Variants in FA2H observed in about 807,000 individuals in gnomAD.
FA2H encodes fatty acid 2-hydroxylase, also known as fatty acid alpha-hydroxylase.
A neutral mutation model predicts 44.9 loss-of-function variants in FA2H; 22 were observed. The ratio of observed to expected loss-of-function variants is 0.49; its 90% CI spans 0.35 to 0.70. The LOEUF is 0.70. Among genes scored for constraint, FA2H ranks in the 30% least tolerant of loss-of-function variants. FA2H has a pLI of 0.01. For synonymous variants in FA2H, 243 were observed against 213.2 expected, an observed-to-expected ratio of 1.14 and a Z score of -1.22; for missense variants, 501 against 504.9, an observed-to-expected ratio of 0.99 and a Z score of 0.07.
At chr16:74,742,822 G>C (rs1024391093) in intron 1 of FA2H, among the ~76,000 whole-genome samples, 3 of 152,244 alleles carry the variant, frequency 2.0e-5, no homozygotes, top group African/African-American at 2.4e-5. Flanking sequence ...CTGGGCCACA[G>C]AGTAAGACCT....
chr16:74,773,884 G>A (rs1026594562), intron 1 of FA2H, among the ~76,000 whole-genome samples: 3 of 152,194 alleles, frequency 2.0e-5, no homozygotes, highest in African/African-American at 7.2e-5. Context: ...GGAGTCCCAA[G>A]CCAGCGTGTA....
chr16:74,745,517 C>A (rs78800572), intron 1 of FA2H, among the ~76,000 whole-genome samples: 7,135 of 152,330 alleles, frequency 0.047, 213 homozygotes, highest in Non-Finnish European at 0.073. Flanking sequence ...TGGGCACAAG[C>A]AATGGCCAAG....
intron 1 of FA2H, among the ~76,000 whole-genome samples, chr16:74,752,750 C>A (rs1962550132): frequency 6.6e-6 from 1 of 152,186 alleles, no homozygotes; most frequent in Non-Finnish European, 1.5e-5. Context: ...GCCCCGTGAG[C>A]CCCCAAGACA....
intron 1 of FA2H, among the ~76,000 whole-genome samples, chr16:74,765,375 T>C (rs916045206): frequency 3.9e-5 from 6 of 152,196 alleles, no homozygotes; most frequent in Non-Finnish European, 5.9e-5. Context: ...CAGGCTGGTC[T>C]CGGACTCCTG....
At chr16:74,756,039 T>C (rs886288090) in intron 1 of FA2H, among the ~76,000 whole-genome samples, 1 of 152,188 alleles carries the variant, frequency 6.6e-6, no homozygotes, top group Non-Finnish European at 1.5e-5. Flanking sequence ...GAGGAGGAGA[T>C]GCGGAATACA....
intron 2 of FA2H, among the ~76,000 whole-genome samples, chr16:74,736,211 G>A (rs1043559244): frequency 5.9e-5 from 9 of 152,318 alleles, no homozygotes; most frequent in African/African-American, 2.2e-4. Context: ...CAAGGAGGCA[G>A]GCAGAGAGGA....
intron 6 of FA2H, among the ~76,000 whole-genome samples, chr16:74,715,684 C>T (rs1295160212): frequency 2.6e-5 from 4 of 152,156 alleles, no homozygotes; most frequent in African/African-American, 7.2e-5. Context: ...TGTTTATTTT[C>T]ATGTCTTAGT....
At chr16:74,761,936 G>A (rs778300342) in intron 1 of FA2H, among the ~76,000 whole-genome samples, 2 of 152,218 alleles carry the variant, frequency 1.3e-5, no homozygotes, top group Non-Finnish European at 2.9e-5. Context: ...ACCTGTTAAA[G>A]GATGAAGAGA....
intron 1 of FA2H, among the ~76,000 whole-genome samples, chr16:74,754,355 C>T (rs888836279): frequency 6.6e-6 from 1 of 152,000 alleles, no homozygotes; most frequent in African/African-American, 2.4e-5. Flanking sequence ...AAGATTGGGC[C>T]ACTGCACTCC....
intron 5 of FA2H, 96 bp from the exon 6 acceptor site, chr16:74,716,695 GC>G: frequency 1.4e-6 from 2 of 1,386,372 alleles, no homozygotes; most frequent in Non-Finnish European, 1.9e-6. Context: ...GGGCACAGCG[GC>G]CCAGACATTC....
chr16:74,724,297 C>G (rs1300961571), intron 4 of FA2H, among the ~76,000 whole-genome samples: 4 of 152,162 alleles, frequency 2.6e-5, no homozygotes, highest in Non-Finnish European at 4.4e-5. Context: ...GCACACCACC[C>G]CACTGGAAGC....
rs568394374 is a variant in FA2H at position 74,767,788 on chromosome 16, C to T, written c.270+6698G>A. Among the ~76,000 whole-genome samples the T allele has an allele frequency of 5.9e-5, 9 of 152,302 alleles. No individual in the cohort carries two copies. The South Asian group carries it at 1.9e-3, about 32-fold the overall frequency. The stretch of plus-strand genomic sequence containing the variant: ...AGTAAATGTGTGTTGCTTTAAGCCA[C>T]CGAGTTTGTGATAATTTGCCAGAGA... On this transcript the variant is annotated intron_variant, in intron 1 of 6. Coordinates refer to ENST00000219368, the MANE Select transcript of FA2H (RefSeq NM_024306.5).
chr16:74,719,222 G>T, intron 4 of FA2H, 62 bp from the exon 5 acceptor site: 1 of 1,475,510 alleles, frequency 6.8e-7, no homozygotes, highest in East Asian at 2.3e-5. Flanking sequence ...AGCTCCAGGT[G>T]TCCCTGCCTC....
chr16:74,714,197 G>A lies in FA2H; in HGVS notation c.1112C>T (p.Thr371Met), dbSNP rs141854925. Residue 371 changes from threonine to methionine, a missense_variant, in exon 7 of 7, where the codon ACG becomes ATG. Coordinates refer to ENST00000219368, the MANE Select transcript of FA2H (RefSeq NM_024306.5). ...TLTPEKPHLK[T>M]Q ...CGGAGGGGGTGGGAGTTGTCACTGC[G>A]TCTTCAGGTGGGGTTTCTCTGGAGT... 1.9e-4 allele frequency: 295 copies of A among 1,560,598 alleles called. No individual in the cohort carries two copies. Among genetic ancestry groups the A allele is most frequent in the South Asian group, 7.3e-4 (62 of 84,704 alleles).
chr16:74,725,584 C>T (rs1186523769), intron 4 of FA2H, among the ~76,000 whole-genome samples: 4 of 152,224 alleles, frequency 2.6e-5, no homozygotes, highest in African/African-American at 9.6e-5. Context: ...CCCTTGATAT[C>T]TCTGAGGCTC....
At chr16:74,723,139 C>A (rs940111373) in intron 4 of FA2H, among the ~76,000 whole-genome samples, 1 of 152,238 alleles carries the variant, frequency 6.6e-6, no homozygotes, top group African/African-American at 2.4e-5. Context: ...TGCAGAGTGT[C>A]TGTGAACTTG....
Position 74,772,702 on chromosome 16 carries a change from C to T in FA2H, c.270+1784G>A, listed in dbSNP as rs568409846. On this transcript the variant is annotated intron_variant, in intron 1 of 6. Coordinates refer to ENST00000219368, the MANE Select transcript of FA2H (RefSeq NM_024306.5). ...CAATTGTTGGTTTTCAGGAGTCCCC[C>T]TTATCCACGGTTTCACTTTCCATGG... 3.3e-5 allele frequency among the ~76,000 whole-genome samples: 5 copies of T among 152,292 alleles called. No homozygotes were observed. The South Asian group carries it at 1.0e-3, about 32-fold the overall frequency.
intron 1 of FA2H, among the ~76,000 whole-genome samples, chr16:74,745,310 A>G (rs1348136379): frequency 6.6e-6 from 1 of 151,996 alleles, no homozygotes; most frequent in African/African-American, 2.4e-5. Flanking sequence ...CTAACTGCTC[A>G]CTCCCTAGTC....
At chr16:74,716,776 G>A (rs1260465825) in intron 5 of FA2H, 177 bp from the exon 6 acceptor site, 2 of 647,642 alleles carry the variant, frequency 3.1e-6, no homozygotes, top group East Asian at 5.7e-5. Context: ...GATCTGGAGA[G>A]ACTGTCTTAC....
Sources: allele counts gnomAD v4.1 joint callset (sites outside exome capture counted in the v4.1 genomes callset), GRCh38; gene constraint gnomAD v4.1.1; transcripts MANE v1.5; gene names NCBI Gene and HGNC (gene_info 2026-07-23, HGNC 2026-07-21).